SYN3: variants seen among roughly 807,000 people sequenced by gnomAD.
SYN3 encodes synapsin III, also known as synapsin-3.
Under a neutral mutation model 65.8 loss-of-function variants are expected in SYN3, and 35 were observed. That is an observed-to-expected ratio of 0.53 (90% CI 0.41 to 0.70). The LOEUF is 0.70. Ranked by LOEUF, SYN3 falls within the 30% of genes least tolerant of loss-of-function variation. The pLI is 0.00. For missense variants in SYN3, 680 were observed against 749.0 expected (o/e 0.91, Z 1.08); for synonymous variants, 270 against 292.9 (o/e 0.92, Z 0.80).
intron 1 of SYN3, 123 bp from the exon 2 acceptor site, chr22:33,006,947 G>A (rs957914228): frequency 2.5e-4 from 74 of 300,672 alleles, no homozygotes; most frequent in Middle Eastern, 1.9e-3. Context: ...TTCTGGAAAG[G>A]AATTTGGCAA....
At chr22:32,638,940 G>C (rs1464320466) in intron 6 of SYN3, among the ~76,000 whole-genome samples, 1 of 152,132 alleles carries the variant, frequency 6.6e-6, no homozygotes, top group Non-Finnish European at 1.5e-5. Context: ...GGATCATATA[G>C]TTTGAGGTCT....
Position 32,513,398 on chromosome 22 carries a change from G to A in SYN3, c.*294C>T, listed in dbSNP as rs1463968097. On this transcript the variant is annotated 3_prime_UTR_variant, in exon 14 of 14. Transcript: ENST00000358763. ...TCGCAGACATCTCACTTGGTTATCT[G>A]GCAGGTAAGCAGGCACGTGGGTAGG... 1 of 293,630 alleles carries A rather than the reference G, an allele frequency of 3.4e-6. No individual in the cohort carries two copies. Among genetic ancestry groups the A allele is most frequent in the Non-Finnish European group, 6.4e-6 (1 of 157,014 alleles). The allele number at this position is 293,630 out of a possible 1,614,324, so 18.2% of individuals were successfully genotyped here. A position where few individuals can be genotyped will look rare whatever the true frequency, so the allele number is the denominator to read the frequency against.
chr22:32,869,144 G>GT lies in SYN3; in HGVS notation c.462-20dup. 6.2e-7 allele frequency: 1 copy of GT among 1,608,850 alleles called. No homozygotes were observed. Among genetic ancestry groups the GT allele is most frequent in the Non-Finnish European group, 8.5e-7 (1 of 1,176,470 alleles). On this transcript the variant is annotated intron_variant, in intron 4 of 13. Transcript: ENST00000358763. Reference sequence around the variant, plus strand: ...GGATCTGCTGAGAAAGCCAACAGCAGTGTTACCACACTGGGACATTGATGA... The same window carrying GT: ...GGATCTGCTGAGAAAGCCAACAGCAGTTGTTACCACACTGGGACATTGATGA...
intron 12 of SYN3, chr22:32,519,391 T>G (rs1376632318): frequency 4.6e-5 from 7 of 152,218 alleles, no homozygotes; most frequent in Non-Finnish European, 1.0e-4. Flanking sequence ...TCTTACTTTT[T>G]GAGTTGCTCT....
At chr22:32,590,062 T>G (rs2059107022) in intron 7 of SYN3, among the ~76,000 whole-genome samples, 2 of 152,192 alleles carry the variant, frequency 1.3e-5, no homozygotes, top group African/African-American at 2.4e-5. Context: ...CTCAATGAAC[T>G]ATCACAAAGC....
chr22:32,547,769 G>A (rs1166343455), intron 7 of SYN3, among the ~76,000 whole-genome samples: 2 of 152,186 alleles, frequency 1.3e-5, no homozygotes, highest in South Asian at 2.1e-4. Flanking sequence ...AATCCAACCC[G>A]GGATGGGAAA....
intron 6 of SYN3, among the ~76,000 whole-genome samples, chr22:32,854,885 G>A (rs950213548): frequency 2.0e-5 from 3 of 152,024 alleles, no homozygotes; most frequent in South Asian, 4.1e-4. Context: ...AACTCAGTAG[G>A]TCCAACAGAC....
At chr22:32,610,620 T>C (rs1191851676) in intron 6 of SYN3, among the ~76,000 whole-genome samples, 1 of 148,886 alleles carries the variant, frequency 6.7e-6, no homozygotes, top group African/African-American at 2.5e-5. Flanking sequence ...TTTGCTCTTG[T>C]TGCCCAGGCT....
chr22:32,688,224 G>A (rs1425591310), intron 6 of SYN3, among the ~76,000 whole-genome samples: 2 of 152,158 alleles, frequency 1.3e-5, no homozygotes, highest in Non-Finnish European at 2.9e-5. Context: ...GAAACTGAAG[G>A]TCAGGGGGTC....
chr22:32,802,084 C>T, intron 6 of SYN3: 1 of 1,578,148 alleles, frequency 6.3e-7, no homozygotes, highest in Non-Finnish European at 8.6e-7. Context: ...ACATGCTCGC[C>T]CAGCCACCCC....
At chr22:32,748,626 T>C (rs1051695824) in intron 6 of SYN3, among the ~76,000 whole-genome samples, 1 of 152,230 alleles carries the variant, frequency 6.6e-6, no homozygotes, top group African/African-American at 2.4e-5. Context: ...AGATAAATAA[T>C]GATGTAACTT....
intron 7 of SYN3, among the ~76,000 whole-genome samples, chr22:32,559,831 A>AT (rs1773999561): frequency 7.2e-6 from 1 of 139,258 alleles, no homozygotes. Context: ...CTCCGTCTCA[A>AT]CAAAAAAAAA....
intron 3 of SYN3, among the ~76,000 whole-genome samples, chr22:32,934,512 C>T (rs990677098): frequency 6.6e-6 from 1 of 152,148 alleles, no homozygotes; most frequent in African/African-American, 2.4e-5. Context: ...GGTGGCCTAG[C>T]AAAGTAAAAG....
At chr22:32,858,245 G>T (rs1184509591) in intron 6 of SYN3, 4 of 1,514,808 alleles carry the variant, frequency 2.6e-6, no homozygotes, top group Non-Finnish European at 3.6e-6. Flanking sequence ...GGAAGGGTAT[G>T]CATGTGTTAG....
intron 6 of SYN3, among the ~76,000 whole-genome samples, chr22:32,776,633 T>C (rs745323950): frequency 8.5e-5 from 13 of 152,164 alleles, no homozygotes; most frequent in Non-Finnish European, 1.9e-4. Context: ...GAATGGATGC[T>C]CTGTTTCCTG....
chr22:32,778,104 G>A (rs573306571), intron 6 of SYN3, among the ~76,000 whole-genome samples: 5 of 152,296 alleles, frequency 3.3e-5, no homozygotes, highest in African/African-American at 1.2e-4. Flanking sequence ...GACACATTAG[G>A]ATTAATGGTT....
At chr22:33,050,497 AAAC>A (rs1456983703) in intron 1 of SYN3, among the ~76,000 whole-genome samples, 12 of 150,208 alleles carry the variant, frequency 8.0e-5, no homozygotes, top group Non-Finnish European at 1.6e-4. Context: ...AAAAAAAAAA[AAAC>A]AAAACAAAGC....
intron 13 of SYN3, among the ~76,000 whole-genome samples, chr22:32,515,470 G>C (rs1381180431): frequency 6.6e-6 from 1 of 152,186 alleles, no homozygotes; most frequent in East Asian, 1.9e-4. Context: ...TTTTTAAGTG[G>C]TGGAGCTAGG....
intron 2 of SYN3, among the ~76,000 whole-genome samples, chr22:32,984,965 C>T (rs893028783): frequency 3.3e-5 from 5 of 152,142 alleles, no homozygotes; most frequent in African/African-American, 4.8e-5. Context: ...ACAGTAACTA[C>T]CAGGGAAGGG....
Sources: gnomAD v4.1 joint callset for allele counts (sites outside exome capture counted in the v4.1 genomes callset) on GRCh38, gnomAD v4.1.1 for gene constraint, MANE v1.5 for transcripts, NCBI Gene and HGNC (gene_info 2026-07-23, HGNC 2026-07-21) for gene names.